GABRA5: variants seen among roughly 807,000 people sequenced by gnomAD.
The protein encoded by GABRA5 is gamma-aminobutyric acid type A receptor subunit alpha5, also known as gamma-aminobutyric acid receptor subunit alpha-5.
In GABRA5, 18 loss-of-function variants were observed where a neutral mutation model predicts 47.3. The ratio of observed to expected loss-of-function variants is 0.38; its 90% CI spans 0.26 to 0.56. The LOEUF (loss-of-function observed/expected upper bound fraction) is 0.56. GABRA5 is among the 20% of genes least tolerant of loss of function. GABRA5 has a pLI of 0.71. For synonymous variants in GABRA5, 237 were observed against 229.3 expected, an observed-to-expected ratio of 1.03 and a Z score of -0.30; for missense variants, 365 against 599.3, an observed-to-expected ratio of 0.61 and a Z score of 4.08.
intron 7 of GABRA5, among the ~76,000 whole-genome samples, chr15:26,926,033 C>T (rs1439977931): frequency 1.3e-5 from 2 of 152,188 alleles, no homozygotes; most frequent in Non-Finnish European, 2.9e-5. Context: ...GGATTTTGCA[C>T]CTCACTCTCC....
At chr15:26,907,714 C>T (rs548375091) in intron 6 of GABRA5, among the ~76,000 whole-genome samples, 7 of 152,192 alleles carry the variant, frequency 4.6e-5, no homozygotes, top group South Asian at 4.2e-4. Context: ...CTTTGGGTTC[C>T]GACAAACTCT....
intron 6 of GABRA5, among the ~76,000 whole-genome samples, chr15:26,887,368 C>T (rs1349874233): frequency 6.6e-6 from 1 of 152,104 alleles, no homozygotes; most frequent in Non-Finnish European, 1.5e-5. Context: ...TTTGCTCTGT[C>T]ATCCAGACTG....
chr15:26,878,155 C>T (rs1471770361), intron 3 of GABRA5, among the ~76,000 whole-genome samples: 1 of 152,228 alleles, frequency 6.6e-6, no homozygotes, highest in African/African-American at 2.4e-5. Context: ...TAGTGCTCAC[C>T]AAAGGCATAG....
intron 6 of GABRA5, among the ~76,000 whole-genome samples, chr15:26,889,434 T>C (rs1369319362): frequency 3.3e-5 from 5 of 152,134 alleles, no homozygotes; most frequent in Non-Finnish European, 7.4e-5. Flanking sequence ...TATAGCTAGC[T>C]GCAGTCTGTT....
chr15:26,929,687 G>A (rs1009168716), intron 7 of GABRA5, among the ~76,000 whole-genome samples: 3 of 152,218 alleles, frequency 2.0e-5, no homozygotes, highest in African/African-American at 7.2e-5. Context: ...CCCCTGCTGG[G>A]GTGGCTGAGG....
intron 7 of GABRA5, among the ~76,000 whole-genome samples, chr15:26,921,982 A>C (rs766261672): frequency 1.3e-5 from 2 of 152,150 alleles, no homozygotes; most frequent in Admixed American, 6.5e-5. Context: ...AATTCTTTTA[A>C]ATTTGTGAGC....
At chr15:26,913,567 A>G (rs968289996) in intron 6 of GABRA5, among the ~76,000 whole-genome samples, 1 of 152,242 alleles carries the variant, frequency 6.6e-6, no homozygotes, top group African/African-American at 2.4e-5. Context: ...AATGAACAAT[A>G]GCACTACTGT....
intron 7 of GABRA5, among the ~76,000 whole-genome samples, chr15:26,916,963 CT>C (rs1255468483): frequency 6.6e-6 from 1 of 151,898 alleles, no homozygotes; most frequent in Non-Finnish European, 1.5e-5. Flanking sequence ...TTCTAAAAGT[CT>C]TTTGGTGGAG....
chr15:26,918,810 C>T (rs1893775196), intron 7 of GABRA5, among the ~76,000 whole-genome samples: 2 of 152,038 alleles, frequency 1.3e-5, no homozygotes, highest in Non-Finnish European at 2.9e-5. Flanking sequence ...TACCCTTTTC[C>T]ATCCCTTCAT....
At chr15:26,934,248 TAAAA>T (rs776194243) in intron 7 of GABRA5, among the ~76,000 whole-genome samples, 2 of 112,946 alleles carry the variant, frequency 1.8e-5, no homozygotes, top group African/African-American at 6.8e-5. Context: ...AGAGAATGTT[TAAAA>T]AAAAAAAAAA....
intron 3 of GABRA5, among the ~76,000 whole-genome samples, chr15:26,875,632 T>C (rs1451133363): frequency 6.6e-6 from 1 of 151,934 alleles, no homozygotes; most frequent in Non-Finnish European, 1.5e-5. Context: ...TCCCAGGCTG[T>C]GTGGCAGGTG....
At chr15:26,938,188 C>G (rs908848672) in intron 8 of GABRA5, among the ~76,000 whole-genome samples, 1 of 152,222 alleles carries the variant, frequency 6.6e-6, no homozygotes, top group African/African-American at 2.4e-5. Flanking sequence ...CACACACACG[C>G]AGTCAGCACC....
At chr15:26,879,873 C>G (rs780845019) in intron 3 of GABRA5, among the ~76,000 whole-genome samples, 1 of 152,200 alleles carries the variant, frequency 6.6e-6, no homozygotes, top group Admixed American at 6.5e-5. Flanking sequence ...CCAGGGCACT[C>G]GCTTCTTGGG....
intron 7 of GABRA5, among the ~76,000 whole-genome samples, chr15:26,915,822 T>A (rs1172422119): frequency 6.6e-6 from 1 of 152,218 alleles, no homozygotes; most frequent in Non-Finnish European, 1.5e-5. Context: ...GCTGAGTAAC[T>A]GTGGGCAAGT....
At chr15:26,894,649 A>C (rs973104976) in intron 6 of GABRA5, among the ~76,000 whole-genome samples, 1 of 151,876 alleles carries the variant, frequency 6.6e-6, no homozygotes, top group Non-Finnish European at 1.5e-5. Flanking sequence ...TGAACCTTTG[A>C]TTTCCTGTAC....
At chr15:26,893,198 G>A (rs997156055) in intron 6 of GABRA5, among the ~76,000 whole-genome samples, 51 of 90,200 alleles carry the variant, frequency 5.7e-4, no homozygotes, top group Admixed American at 2.6e-3. Context: ...TGTGTGTATA[G>A]TGTGTTGGGT....
At chr15:26,916,882 A>C (rs1893728014) in intron 7 of GABRA5, among the ~76,000 whole-genome samples, 1 of 152,038 alleles carries the variant, frequency 6.6e-6, no homozygotes. Flanking sequence ...GTTCATTGTT[A>C]ATATATAGAA....
At chr15:26,903,808 T>G (rs1054372878) in intron 6 of GABRA5, among the ~76,000 whole-genome samples, 6 of 150,014 alleles carry the variant, frequency 4.0e-5, no homozygotes, top group Non-Finnish European at 7.5e-5. Flanking sequence ...GGATGTTTTG[T>G]TTTTTTTTCT....
chr15:26,931,205 T>G (rs1200657131), intron 7 of GABRA5, among the ~76,000 whole-genome samples: 2 of 152,162 alleles, frequency 1.3e-5, no homozygotes, highest in Non-Finnish European at 2.9e-5. Flanking sequence ...GGCCGCCAAT[T>G]TCTATCTGGG....
Sources: allele counts gnomAD v4.1 joint callset (sites outside exome capture counted in the v4.1 genomes callset), GRCh38; gene constraint gnomAD v4.1.1; transcripts MANE v1.5; gene names NCBI Gene and HGNC (gene_info 2026-07-23, HGNC 2026-07-21).